MAPK14: variants seen among roughly 807,000 people sequenced by gnomAD.
The protein encoded by MAPK14 is CSAID-binding protein.
A neutral mutation model predicts 49.6 loss-of-function variants in MAPK14; 16 were observed. That is an observed-to-expected ratio of 0.32 (90% CI 0.22 to 0.49). MAPK14 has a LOEUF of 0.49. Among genes scored for constraint, MAPK14 ranks in the 20% least tolerant of loss-of-function variants. The pLI is 0.99. For missense variants in MAPK14, 200 were observed against 441.2 expected (o/e 0.45, Z 4.90); for synonymous variants, 142 against 158.0 (o/e 0.90, Z 0.76).
At chr6:36,122,929 T>C in the MAPK14 span, among the ~76,000 whole-genome samples, 6 of 152,070 alleles carry the variant, frequency 3.9e-5, no homozygotes, top group South Asian at 1.0e-3. Context: ...ACAAGCACGC[T>C]TCAAGAATGT....
chr6:36,075,440 G>C (rs1167454592), intron 6 of MAPK14, among the ~76,000 whole-genome samples: 1 of 152,046 alleles, frequency 6.6e-6, no homozygotes, highest in Non-Finnish European at 1.5e-5. Context: ...ATTGTTGTGT[G>C]TGTCAGTGGT....
Position 36,075,897 on chromosome 6 carries a change from A to G in MAPK14, c.545A>G (p.Tyr182Cys). 1 of 1,614,056 alleles carries G rather than the reference A, an allele frequency of 6.2e-7. No individual in the cohort carries two copies. The highest frequency in any genetic ancestry group is 8.5e-7 in the Non-Finnish European group (1 of 1,179,984). The change falls in exon 7 of 12, where the codon TAC (tyrosine) becomes TGC (cysteine). Residue 182 changes from tyrosine (Y) to cysteine (C), a missense_variant. Coordinates refer to ENST00000229794, the MANE Select transcript of MAPK14 (RefSeq NM_139012.3). ...CACACAGATGATGAAATGACAGGCT[A>G]CGTGGCCACTAGGTGGTACAGGGCT... ...ARHTDDEMTG[Y>C]VATRWYRAPE...
chr6:36,075,746 T>TTAATA, intron 6 of MAPK14, 102 bp from the exon 7 acceptor site: 5 of 1,522,436 alleles, frequency 3.3e-6, no homozygotes, highest in Non-Finnish European at 4.5e-6. Flanking sequence ...GTTCTCCTTT[T>TTAATA]TAATAAGGCA....
At chr6:36,100,639 A>C (rs1374604197) in intron 9 of MAPK14, among the ~76,000 whole-genome samples, 1 of 152,132 alleles carries the variant, frequency 6.6e-6, no homozygotes, top group Non-Finnish European at 1.5e-5. Context: ...CCATTTTTTT[A>C]ATGACCAAAA....
intron 5 of MAPK14, 82 bp from the exon 6 acceptor site, chr6:36,073,967 T>C (rs1764414952): frequency 1.9e-6 from 2 of 1,077,374 alleles, no homozygotes; most frequent in South Asian, 1.3e-5. Context: ...CTTTTATGTC[T>C]GGATCCTCAT....
intron 9 of MAPK14, among the ~76,000 whole-genome samples, chr6:36,099,874 T>G (rs2127470968): frequency 6.6e-6 from 1 of 152,292 alleles, no homozygotes; most frequent in Non-Finnish European, 1.5e-5. Flanking sequence ...TGAAAACAGT[T>G]CTATGGCTGG....
chr6:36,123,820 G>A, the MAPK14 span, among the ~76,000 whole-genome samples: 2 of 152,232 alleles, frequency 1.3e-5, no homozygotes, highest in East Asian at 1.9e-4. Flanking sequence ...CCACATCTTT[G>A]TAGGGTGGAG....
At chr6:36,051,016 G>T (rs1234949258) in intron 1 of MAPK14, among the ~76,000 whole-genome samples, 1 of 152,122 alleles carries the variant, frequency 6.6e-6, no homozygotes, top group Non-Finnish European at 1.5e-5. Context: ...AGAGAGTTTG[G>T]TGATAACAGA....
At chr6:36,071,178 C>T (rs1217476642) in intron 3 of MAPK14, among the ~76,000 whole-genome samples, 1 of 151,766 alleles carries the variant, frequency 6.6e-6, no homozygotes, top group Non-Finnish European at 1.5e-5. Context: ...ACTAAAAATA[C>T]AAAAATTAGC....
chr6:36,044,684 G>A (rs1468229114), intron 1 of MAPK14, among the ~76,000 whole-genome samples: 2 of 151,890 alleles, frequency 1.3e-5, no homozygotes, highest in South Asian at 4.2e-4. Flanking sequence ...AGACCAGCCT[G>A]GGCAACAAGC....
At chr6:36,112,217 A>G (rs1343306481), downstream of MAPK14, among the ~76,000 whole-genome samples, 1 of 151,972 alleles carries the variant, frequency 6.6e-6, no homozygotes, top group East Asian at 1.9e-4. Flanking sequence ...AAAAAAAAAA[A>G]AGAATCAGAC....
intron 8 of MAPK14, among the ~76,000 whole-genome samples, chr6:36,093,592 G>T (rs578074321): frequency 4.6e-5 from 7 of 151,920 alleles, no homozygotes; most frequent in Admixed American, 4.6e-4. Flanking sequence ...GGTGGCAGGC[G>T]CCTGTAGTCC....
intron 11 of MAPK14, 80 bp from the exon 12 acceptor site, chr6:36,108,300 T>A: frequency 9.6e-7 from 1 of 1,043,802 alleles, no homozygotes; most frequent in East Asian, 2.4e-5. Context: ...GGAAGGATCT[T>A]GAGCTTAGAA....
chr6:36,063,128 C>A (rs192745575), intron 3 of MAPK14, among the ~76,000 whole-genome samples: 5 of 152,046 alleles, frequency 3.3e-5, no homozygotes, highest in African/African-American at 1.2e-4. Context: ...CTTCCACAAA[C>A]CTAGATGGTA....
intron 1 of MAPK14, among the ~76,000 whole-genome samples, chr6:36,043,446 G>A (rs1763045016): frequency 6.6e-6 from 1 of 152,108 alleles, no homozygotes; most frequent in Non-Finnish European, 1.5e-5. Context: ...TTTTCAAGAC[G>A]TTATTTCCAA....
At chr6:36,108,154 G>T (rs1765855007) in intron 11 of MAPK14, among the ~76,000 whole-genome samples, 1 of 152,170 alleles carries the variant, frequency 6.6e-6, no homozygotes, top group South Asian at 2.1e-4. Flanking sequence ...AAAAGAAGAG[G>T]CACTCAGCGA....
intron 1 of MAPK14, among the ~76,000 whole-genome samples, chr6:36,046,747 A>C (rs1037566763): frequency 1.3e-5 from 2 of 152,232 alleles, no homozygotes; most frequent in African/African-American, 2.4e-5. Flanking sequence ...GAATAGATTC[A>C]GGAGTCAAAT....
intron 8 of MAPK14, among the ~76,000 whole-genome samples, chr6:36,090,363 G>C (rs982547041): frequency 2.0e-5 from 3 of 151,020 alleles, no homozygotes; most frequent in Admixed American, 2.0e-4. Context: ...TCACTCTGTT[G>C]CCTAGGCTGG....
chr6:36,055,217 A>G (rs1264570651), intron 2 of MAPK14, among the ~76,000 whole-genome samples: 1 of 152,230 alleles, frequency 6.6e-6, no homozygotes, highest in East Asian at 1.9e-4. Context: ...CTGGGCAGAC[A>G]CTACAGAGAT....
Sources: allele counts gnomAD v4.1 joint callset (sites outside exome capture counted in the v4.1 genomes callset), GRCh38; gene constraint gnomAD v4.1.1; transcripts MANE v1.5; gene names NCBI Gene and HGNC (gene_info 2026-07-23, HGNC 2026-07-21).